Variants in CRIM1 observed in about 807,000 individuals in gnomAD.
CRIM1 encodes cysteine rich transmembrane BMP regulator 1, also known as cysteine-rich motor neuron 1 protein.
CRIM1 carries 32 observed loss-of-function variants against 116.4 expected under a neutral mutation model. The ratio of observed to expected loss-of-function variants is 0.27; its 90% CI spans 0.21 to 0.37. The LOEUF (loss-of-function observed/expected upper bound fraction) is 0.37, where lower values mean the gene tolerates loss of function less well. CRIM1 is among the 10% of genes least tolerant of loss of function. The pLI, the probability that CRIM1 is intolerant of heterozygous loss-of-function variation, is 1.00. For missense variants in CRIM1, 1,331 were observed against 1,354.8 expected (o/e 0.98, Z 0.28); for synonymous variants, 590 against 509.2 (o/e 1.16, Z -2.13).
chr2:36,519,727 T>A (rs558205712), intron 12 of CRIM1, among the ~76,000 whole-genome samples: 1 of 152,162 alleles, frequency 6.6e-6, no homozygotes, highest in Non-Finnish European at 1.5e-5. Flanking sequence ...CTTTCCCTCT[T>A]CTCTGGCCTG....
chr2:36,432,715 A>C (rs1674988036), intron 2 of CRIM1, among the ~76,000 whole-genome samples: 1 of 152,068 alleles, frequency 6.6e-6, no homozygotes, highest in Admixed American at 6.5e-5. Context: ...CTGGGAGTGT[A>C]GAGGATGAAG....
chr2:36,399,997 C>A (rs1471372939), intron 2 of CRIM1, among the ~76,000 whole-genome samples: 1 of 152,128 alleles, frequency 6.6e-6, no homozygotes, highest in Non-Finnish European at 1.5e-5. Context: ...AGCACAGTTG[C>A]GTGATTTTCT....
rs531503424 is a variant in CRIM1 at position 36,549,431 on chromosome 2, C to G, written c.*730C>G. The G allele has an allele frequency of 7.2e-5, 11 of 152,344 alleles. No individual in the cohort carries two copies. Among genetic ancestry groups the G allele is most frequent in the Admixed American group, 7.2e-4 (11 of 15,262 alleles). 9.4% of individuals were successfully genotyped at this position (152,344 alleles called of 1,614,324 possible). Reference sequence around the variant, plus strand: ...CAGCCAGTTCCTAGCAGAGTCAGCACATGAACAAGATCTAAGTCATTTCTT... The same window carrying G: ...CAGCCAGTTCCTAGCAGAGTCAGCAGATGAACAAGATCTAAGTCATTTCTT... On this transcript the variant is annotated 3_prime_UTR_variant, in exon 17 of 17. Coordinates refer to ENST00000280527, the MANE Select transcript of CRIM1 (RefSeq NM_016441.3).
chr2:36,540,996 T>C (rs1052555753), intron 14 of CRIM1, among the ~76,000 whole-genome samples: 2 of 152,224 alleles, frequency 1.3e-5, no homozygotes, highest in African/African-American at 2.4e-5. Flanking sequence ...CTGTTAACTC[T>C]CCTTTCTGCA....
At chr2:36,534,635 CA>C (rs1666396626) in intron 13 of CRIM1, among the ~76,000 whole-genome samples, 1 of 124,814 alleles carries the variant, frequency 8.0e-6, no homozygotes, top group Admixed American at 9.2e-5. Flanking sequence ...AAAATACAGA[CA>C]GGAAGGGAAA....
At chr2:36,514,853 C>G (rs963049378) in intron 11 of CRIM1, among the ~76,000 whole-genome samples, 1 of 152,206 alleles carries the variant, frequency 6.6e-6, no homozygotes, top group Admixed American at 6.5e-5. Context: ...TTCTGCACAG[C>G]TCAATAGCTA....
intron 1 of CRIM1, among the ~76,000 whole-genome samples, chr2:36,358,085 AG>A (rs1668974786): frequency 6.6e-6 from 1 of 151,832 alleles, no homozygotes; most frequent in East Asian, 1.9e-4. Flanking sequence ...CTCTTCTCAG[AG>A]GGGAGGGACT....
chr2:36,412,281 C>G (rs3770909), intron 2 of CRIM1, among the ~76,000 whole-genome samples: 50 of 136,394 alleles, frequency 3.7e-4, no homozygotes, highest in African/African-American at 1.3e-3. Context: ...CAAATGGGGG[C>G]GCAGGGGGTG....
chr2:36,522,226 G>T lies in CRIM1; in HGVS notation c.2341G>T (p.Val781Leu). 6.2e-7 allele frequency: 1 copy of T among 1,614,102 alleles called. No homozygotes were observed. The highest frequency in any genetic ancestry group is 8.5e-7 in the Non-Finnish European group (1 of 1,180,018). ...TACCAGCTGCATCTGCATTGATAGC[G>T]TAATTAGCTGTTTCTCTGAGTCCTG... is the stretch of plus-strand genomic sequence containing the variant. ...VCTSCICIDSVISCFSESCPS... is the reference protein window; with the variant it reads ...VCTSCICIDSLISCFSESCPS... The change falls in exon 13 of 17, where the codon GTA (valine) becomes TTA (leucine). Residue 781 changes from valine (V) to leucine (L), a missense_variant. This residue lies in a region of CRIM1 where 358 missense variants were observed against 436.1 expected (regional missense o/e 0.82). Transcript: ENST00000280527.
intron 2 of CRIM1, among the ~76,000 whole-genome samples, chr2:36,414,086 T>C (rs1346907214): frequency 6.6e-6 from 1 of 152,226 alleles, no homozygotes; most frequent in Non-Finnish European, 1.5e-5. Context: ...CTAATGCACC[T>C]TTTTTAATGG....
chr2:36,404,324 T>C (rs914167148), intron 2 of CRIM1, among the ~76,000 whole-genome samples: 2 of 152,216 alleles, frequency 1.3e-5, no homozygotes, highest in African/African-American at 4.8e-5. Context: ...TATCTGACTA[T>C]AGTAGAGCTG....
intron 4 of CRIM1, among the ~76,000 whole-genome samples, chr2:36,457,364 A>G (rs151024396): frequency 0.011 from 1,441 of 131,042 alleles, 27 homozygotes; most frequent in African/African-American, 0.043. Flanking sequence ...AACAACAACA[A>G]CGAAAGGCAG....
intron 2 of CRIM1, among the ~76,000 whole-genome samples, chr2:36,430,434 A>G (rs970962065): frequency 3.3e-5 from 5 of 152,198 alleles, no homozygotes; most frequent in African/African-American, 9.6e-5. Flanking sequence ...TCTGGGAAAA[A>G]AATACACATT....
chr2:36,357,191 G>C (rs1158415519), intron 1 of CRIM1, among the ~76,000 whole-genome samples: 2 of 152,154 alleles, frequency 1.3e-5, no homozygotes, highest in Non-Finnish European at 2.9e-5. Context: ...ATCAGTTTCA[G>C]CCGCGGAATA....
Position 36,356,654 on chromosome 2 carries a change from C to A in CRIM1, c.331+31C>A. 2 of 1,585,006 alleles carry A rather than the reference C, an allele frequency of 1.3e-6. No homozygotes were observed. The highest frequency in any genetic ancestry group is 1.7e-6 in the Non-Finnish European group (2 of 1,167,736). On this transcript the variant is annotated intron_variant, in intron 1 of 16. Transcript: ENST00000280527. The surrounding 1 kb of genome is among the most constrained non-coding windows in gnomAD (Gnocchi z 4.3). Reference sequence around the variant, plus strand: ...GCCGCCCGCTGCGGGCCCCCTCCCACCTGGCCTGCGCCGCCCCCTCGGCGC... The same window carrying A: ...GCCGCCCGCTGCGGGCCCCCTCCCAACTGGCCTGCGCCGCCCCCTCGGCGC...
intron 2 of CRIM1, among the ~76,000 whole-genome samples, chr2:36,436,049 TA>T (rs1453645723): frequency 6.6e-6 from 1 of 151,906 alleles, no homozygotes; most frequent in Non-Finnish European, 1.5e-5. Flanking sequence ...TTCAAATAGA[TA>T]AAATTAAAAA....
intron 2 of CRIM1, among the ~76,000 whole-genome samples, chr2:36,416,856 C>T (rs986205207): frequency 8.5e-5 from 13 of 152,220 alleles, no homozygotes; most frequent in African/African-American, 2.7e-4. Context: ...GTTCTGTAGT[C>T]GAACAGCCTC....
chr2:36,367,555 A>G lies in CRIM1; in HGVS notation c.331+10932A>G, dbSNP rs1049925078. Among the ~76,000 whole-genome samples the G allele has an allele frequency of 5.3e-5, 8 of 152,234 alleles. No homozygotes were observed. In the South Asian group the frequency reaches 8.3e-4, roughly 16 times the overall value. On this transcript the variant is annotated intron_variant, in intron 1 of 16. Coordinates refer to ENST00000280527, the MANE Select transcript of CRIM1 (RefSeq NM_016441.3). Reference sequence around the variant, plus strand: ...CAAGACAGGGGAACTGAATCAGATGATATCTTAAGGTTCTACTGGTCATAA... The same window carrying G: ...CAAGACAGGGGAACTGAATCAGATGGTATCTTAAGGTTCTACTGGTCATAA...
At chr2:36,419,328 C>G (rs1673876088) in intron 2 of CRIM1, among the ~76,000 whole-genome samples, 1 of 152,148 alleles carries the variant, frequency 6.6e-6, no homozygotes, top group South Asian at 2.1e-4. Flanking sequence ...CTTCTTTGGA[C>G]AGTTGTGATT....
Sources: allele counts gnomAD v4.1 joint callset (sites outside exome capture counted in the v4.1 genomes callset), GRCh38; gene constraint gnomAD v4.1.1; regional missense constraint gnomAD v4.1.1; non-coding constraint Gnocchi (gnomAD v3.1); transcripts MANE v1.5; gene names NCBI Gene and HGNC (gene_info 2026-07-23, HGNC 2026-07-21).